EPG5: variants seen among roughly 807,000 people sequenced by gnomAD.
EPG5 encodes ectopic P-granules 5 autophagy tethering factor.
Under a neutral mutation model 302.7 loss-of-function variants are expected in EPG5, and 159 were observed. The observed-to-expected ratio is 0.53, with a 90% CI of 0.46 to 0.60. The LOEUF (loss-of-function observed/expected upper bound fraction) is 0.60, where lower values mean the gene tolerates loss of function less well. EPG5 is among the 20% of genes least tolerant of loss of function. The probability of loss-of-function intolerance (pLI) is 0.00; values close to 1 mark genes in which losing one functional copy is unlikely to be tolerated. For missense variants in EPG5, 2,896 were observed against 3,092.4 expected (o/e 0.94, Z 1.51); for synonymous variants, 1,158 against 1,136.8 (o/e 1.02, Z -0.37).
At chr18:45,841,808 T>A in the EPG5 span, among the ~76,000 whole-genome samples, 1 of 152,194 alleles carries the variant, frequency 6.6e-6, no homozygotes, top group Non-Finnish European at 1.5e-5. Flanking sequence ...AGGAAAGCAG[T>A]TGGGGACCAG....
chr18:45,911,886 CCT>C (rs2049913050), intron 22 of EPG5, among the ~76,000 whole-genome samples: 1 of 152,160 alleles, frequency 6.6e-6, no homozygotes, highest in African/African-American at 2.4e-5. Flanking sequence ...CCAAGTACAA[CCT>C]ACAGGTGACA....
At chr18:45,891,685 AAAAAG>A (rs2049354938) in intron 27 of EPG5, among the ~76,000 whole-genome samples, 1 of 152,138 alleles carries the variant, frequency 6.6e-6, no homozygotes, top group Admixed American at 6.5e-5. Context: ...AACTTCTTTA[AAAAAG>A]AAAAAAGCTC....
intron 25 of EPG5, among the ~76,000 whole-genome samples, chr18:45,902,503 T>C (rs989900502): frequency 5.1e-4 from 78 of 152,066 alleles, no homozygotes; most frequent in African/African-American, 1.8e-3. Context: ...AAACAAAAAA[T>C]CTAAATTCAT....
intron 12 of EPG5, among the ~76,000 whole-genome samples, chr18:45,929,642 G>C (rs2050354914): frequency 6.6e-6 from 1 of 152,104 alleles, no homozygotes; most frequent in Admixed American, 6.5e-5. Context: ...TGTGACTCCT[G>C]GTCAAAACAC....
At chr18:45,906,102 T>C (rs1472372772) in intron 24 of EPG5, among the ~76,000 whole-genome samples, 1 of 152,206 alleles carries the variant, frequency 6.6e-6, no homozygotes, top group Non-Finnish European at 1.5e-5. Flanking sequence ...TCCTGAATTC[T>C]AGATATATAC....
chr18:45,949,046 A>G (rs1183469871), intron 5 of EPG5, among the ~76,000 whole-genome samples: 1 of 152,108 alleles, frequency 6.6e-6, no homozygotes, highest in Non-Finnish European at 1.5e-5. Flanking sequence ...CACATAGTCA[A>G]CTCCTAAGTA....
At chr18:45,891,787 TA>T in intron 27 of EPG5, among the ~76,000 whole-genome samples, 1 of 152,282 alleles carries the variant, frequency 6.6e-6, no homozygotes, top group African/African-American at 2.4e-5. Flanking sequence ...AATGAAAGAT[TA>T]AAAAAGAAAT....
At chr18:45,868,825 G>A (rs1010236274) in intron 36 of EPG5, among the ~76,000 whole-genome samples, 1 of 151,656 alleles carries the variant, frequency 6.6e-6, no homozygotes, top group Non-Finnish European at 1.5e-5. Context: ...GGAGGCCAAG[G>A]CAGGTGGATC....
the EPG5 span, chr18:45,842,528 T>A: frequency 1.5e-5 from 4 of 261,022 alleles, no homozygotes; most frequent in Non-Finnish European, 2.2e-5. Flanking sequence ...CTAGAACACC[T>A]GCTATAGTAA....
chr18:45,830,752 A>ATTTT, the EPG5 span, among the ~76,000 whole-genome samples: 122 of 118,112 alleles, frequency 1.0e-3, no homozygotes, highest in Middle Eastern at 4.5e-3. Flanking sequence ...TGCCAGGCTA[A>ATTTT]TTTTTTTTTT....
chr18:45,966,553 A>G (rs948205264), intron 1 of EPG5, among the ~76,000 whole-genome samples: 1 of 152,174 alleles, frequency 6.6e-6, no homozygotes, highest in Admixed American at 6.6e-5. Flanking sequence ...TACCACATGT[A>G]GTCTAATACA....
At chr18:45,884,513 G>C (rs2049176458) in intron 30 of EPG5, 104 bp downstream of exon 30, 1 of 1,063,262 alleles carries the variant, frequency 9.4e-7, no homozygotes, top group Admixed American at 2.7e-5. Context: ...AGCCTCTGCT[G>C]TACCTGGAAA....
At chr18:45,852,851 T>C (rs1431772046) in intron 43 of EPG5, among the ~76,000 whole-genome samples, 1 of 152,240 alleles carries the variant, frequency 6.6e-6, no homozygotes, top group Non-Finnish European at 1.5e-5. Context: ...CCCAAGCCTC[T>C]GTGGCCTTTG....
At chr18:45,823,550 C>G in the EPG5 span, among the ~76,000 whole-genome samples, 1 of 152,298 alleles carries the variant, frequency 6.6e-6, no homozygotes, top group Middle Eastern at 3.4e-3. Context: ...GAGTCATACT[C>G]CCGGCAACCC....
At chr18:45,805,682 A>G in the EPG5 span, among the ~76,000 whole-genome samples, 22 of 152,136 alleles carry the variant, frequency 1.4e-4, no homozygotes, top group African/African-American at 5.3e-4. Flanking sequence ...AAGTAAATAG[A>G]TGCAAAAGTA....
At chr18:45,907,781 A>C in intron 24 of EPG5, 177 bp downstream of exon 24, 1 of 549,366 alleles carries the variant, frequency 1.8e-6, no homozygotes, top group Non-Finnish European at 2.9e-6. Context: ...GGAGATTCAA[A>C]AGGGAGTATT....
chr18:45,916,650 T>G, intron 17 of EPG5, 68 bp from the exon 18 acceptor site: 1 of 1,460,712 alleles, frequency 6.8e-7, no homozygotes, highest in Non-Finnish European at 9.1e-7. Flanking sequence ...CCCTAATTAC[T>G]TATGAGGAAA....
chr18:45,869,940 A>G (rs553308941), intron 36 of EPG5, among the ~76,000 whole-genome samples: 26 of 152,140 alleles, frequency 1.7e-4, no homozygotes, highest in African/African-American at 1.2e-4. Flanking sequence ...AAAAAAAAAA[A>G]AAGAAGAAAA....
intron 7 of EPG5, among the ~76,000 whole-genome samples, chr18:45,944,572 T>C (rs1375996632): frequency 6.6e-6 from 1 of 152,074 alleles, no homozygotes; most frequent in Non-Finnish European, 1.5e-5. Flanking sequence ...CTGGGCAACA[T>C]GGTGAAACCC....
Sources: gnomAD v4.1 joint callset for allele counts (sites outside exome capture counted in the v4.1 genomes callset) on GRCh38, gnomAD v4.1.1 for gene constraint, MANE v1.5 for transcripts, NCBI Gene and HGNC (gene_info 2026-07-23, HGNC 2026-07-21) for gene names.